The following PI4KB variants were observed in gnomAD, a reference collection of about 807,000 sequenced individuals.
PI4KB encodes phosphatidylinositol 4-kinase beta.
Under a neutral mutation model 81.4 loss-of-function variants are expected in PI4KB, and 23 were observed. That is an observed-to-expected ratio of 0.28 (90% CI 0.20 to 0.40). PI4KB has a LOEUF of 0.40. Among genes scored for constraint, PI4KB ranks in the 10% least tolerant of loss-of-function variants. The pLI is 1.00. For missense variants in PI4KB, 651 were observed against 1,036.6 expected (o/e 0.63, Z 5.11); for synonymous variants, 381 against 406.8 (o/e 0.94, Z 0.76).
At chr1:151,305,901 G>A (rs1235622127) in intron 5 of PI4KB, among the ~76,000 whole-genome samples, 2 of 152,164 alleles carry the variant, frequency 1.3e-5, no homozygotes, top group East Asian at 1.9e-4. Flanking sequence ...CCTTGGCCTA[G>A]AAGCTCCTCT....
Position 151,307,610 on chromosome 1 carries a change from G to T in PI4KB, c.1146C>A (p.Pro382=). Reference sequence around the variant, plus strand: ...AGTTGAGGACAACAGCCTGTGTGTGGGGTACACGGACCACGTGGTGGTCAA... The same window carrying T: ...AGTTGAGGACAACAGCCTGTGTGTGTGGTACACGGACCACGTGGTGGTCAA... ...AGFDHHVVRV[P]HTQAVVLNSK... Residue 382 remains proline (P), a synonymous_variant, in exon 4 of 12, where the codon CCC becomes CCA. Transcript: ENST00000368873. 1.2e-6 allele frequency: 2 copies of T among 1,614,034 alleles called. No homozygotes were observed. Among genetic ancestry groups the T allele is most frequent in the Non-Finnish European group, 1.7e-6 (2 of 1,179,914 alleles).
chr1:151,294,210 A>G (rs1694598373), intron 10 of PI4KB, 72 bp from the exon 11 acceptor site: 1 of 1,551,272 alleles, frequency 6.4e-7, no homozygotes, highest in East Asian at 2.3e-5. Context: ...TGACTGGCCT[A>G]CCAGAACTCC....
At chr1:151,313,578 A>G (rs1045786213) in intron 2 of PI4KB, among the ~76,000 whole-genome samples, 4 of 152,202 alleles carry the variant, frequency 2.6e-5, no homozygotes, top group African/African-American at 7.2e-5. Flanking sequence ...TACAGGTTTG[A>G]CTCCAAGATG....
chr1:151,292,706 C>T lies in PI4KB; in HGVS notation c.*146G>A. The T allele has an allele frequency of 4.0e-6, 3 of 746,246 alleles. No homozygotes were observed. The South Asian group carries it at 5.6e-5, about 14-fold the overall frequency. The allele number at this position is 746,246 out of a possible 1,614,324, so 46.2% of individuals were successfully genotyped here. ...ACCCCTCAGCAAGCTCTCGCAGTTA[C>T]CACATGATCCTTCGTGTTTCTTGCC... On this transcript the variant is annotated 3_prime_UTR_variant, in exon 12 of 12. Transcript: ENST00000368873.
intron 3 of PI4KB, among the ~76,000 whole-genome samples, chr1:151,309,250 C>A (rs1308668238): frequency 1.3e-5 from 2 of 152,154 alleles, no homozygotes; most frequent in Admixed American, 1.3e-4. Context: ...GTCCCAAGGA[C>A]CCTCTACCCC....
In PI4KB at chr1:151,315,826, T is replaced by A. The variant is rs762855154; in HGVS notation, c.656A>T (p.Tyr219Phe). The A allele has an allele frequency of 3.0e-5, 49 of 1,613,326 alleles. No homozygotes were observed. The highest frequency in any genetic ancestry group is 4.2e-5 in the Non-Finnish European group (49 of 1,179,700). The change falls in exon 2 of 12, where the codon TAT becomes TTT. Residue 219 changes from tyrosine to phenylalanine, a missense_variant. Physicochemically the swap from Tyr to Phe is conservative, Grantham distance 22. Transcript: ENST00000368873. ...AGTGGAAATGTGCATGTCTGAAGAATAGGCCCCAAGCAACAGGGCACACTG... is the reference window on the plus strand; with the variant it reads ...AGTGGAAATGTGCATGTCTGAAGAAAAGGCCCCAAGCAACAGGGCACACTG... ...SLQCALLLGA[Y>F]SSDMHISTQR...
At chr1:151,316,545 G>A (rs1040936941) in intron 1 of PI4KB, 36 bp from the exon 2 acceptor site, 12 of 1,454,038 alleles carry the variant, frequency 8.3e-6, no homozygotes, top group Admixed American at 2.4e-5. Flanking sequence ...AACAGAAAGG[G>A]AGACACATAC....
rs746587376 is a variant in PI4KB, at chr1:151,299,029, G to A, written c.1794C>T (p.Tyr598=). 3 of 1,614,054 alleles carry A rather than the reference G, an allele frequency of 1.9e-6. No individual in the cohort carries two copies. Among genetic ancestry groups the A allele is most frequent in the African/African-American group, 1.3e-5 (1 of 75,048 alleles). Residue 598 remains tyrosine (Y), a synonymous_variant, in exon 9 of 12, where the codon TAC becomes TAT. Transcript: ENST00000368873. ...TATCAGCCGAAATCACAAGAATCTTGTATGGCTTGATCCAAAGGGGCACTC... is the reference window on the plus strand; with the variant it reads ...TATCAGCCGAAATCACAAGAATCTTATATGGCTTGATCCAAAGGGGCACTC... The part of the protein sequence containing the change: ...QERVPLWIKP[Y]KILVISADSG...
chr1:151,307,813 T>G lies in PI4KB; in HGVS notation c.955-12A>C. On this transcript the variant is annotated splice_polypyrimidine_tract_variant and intron_variant, in intron 3 of 11. Transcript: ENST00000368873. ...GCCAGTCGAACAGGCTACAGGGGTTTGGGGTAAGACAAAAGATGGTGAAGA... is the reference window on the plus strand; with the variant it reads ...GCCAGTCGAACAGGCTACAGGGGTTGGGGGTAAGACAAAAGATGGTGAAGA... 1 of 1,594,714 alleles carries G rather than the reference T, an allele frequency of 6.3e-7. No individual in the cohort carries two copies. The highest frequency in any genetic ancestry group is 8.6e-7 in the Non-Finnish European group (1 of 1,162,344).
intron 5 of PI4KB, among the ~76,000 whole-genome samples, chr1:151,304,995 A>C (rs1439513455): frequency 6.6e-6 from 1 of 151,782 alleles, no homozygotes; most frequent in Non-Finnish European, 1.5e-5. Flanking sequence ...ACGCCCGGCT[A>C]ATTTTTGTAT....
chr1:151,308,778 C>G (rs1695988800), intron 3 of PI4KB, among the ~76,000 whole-genome samples: 1 of 152,190 alleles, frequency 6.6e-6, no homozygotes, highest in Non-Finnish European at 1.5e-5. Flanking sequence ...ATCAAGACAG[C>G]CACCCAACTC....
intron 6 of PI4KB, 75 bp from the exon 7 acceptor site, chr1:151,302,373 C>T: frequency 1.0e-6 from 1 of 984,130 alleles, no homozygotes; most frequent in Non-Finnish European, 1.6e-6. Context: ...ACTGACATTT[C>T]CTGCACTGTC....
intron 8 of PI4KB, 83 bp from the exon 9 acceptor site, chr1:151,299,156 C>G: frequency 8.0e-7 from 1 of 1,252,390 alleles, no homozygotes. Flanking sequence ...TTTCTCCAGC[C>G]TCTCTCCTTG....
intron 2 of PI4KB, among the ~76,000 whole-genome samples, chr1:151,313,398 G>A (rs767199941): frequency 1.3e-5 from 2 of 152,118 alleles, no homozygotes; most frequent in Non-Finnish European, 2.9e-5. Flanking sequence ...ATCTTATCCT[G>A]GAGTGGGAGT....
At chr1:151,327,199 G>A (rs1454826103) in intron 1 of PI4KB, 72 bp downstream of exon 1, 2 of 297,342 alleles carry the variant, frequency 6.7e-6, no homozygotes, top group Non-Finnish European at 1.2e-5. Context: ...GACTGTGCGG[G>A]ACAGGGTGGG....
At chr1:151,306,918 T>C (rs1695814991) in intron 4 of PI4KB, among the ~76,000 whole-genome samples, 3 of 152,124 alleles carry the variant, frequency 2.0e-5, no homozygotes, top group African/African-American at 7.2e-5. Flanking sequence ...CTACTAAAAC[T>C]ACAAAAATTA....
rs1266569340 is a variant in PI4KB at position 151,292,461 on chromosome 1, C to T, written c.*391G>A. Reference sequence around the variant, plus strand: ...TCCTAAGTACCGAGAACCTACTCTTCCCCACTTCCTGGGCCCCAGAACGGA... The same window carrying T: ...TCCTAAGTACCGAGAACCTACTCTTTCCCACTTCCTGGGCCCCAGAACGGA... On this transcript the variant is annotated 3_prime_UTR_variant, in exon 12 of 12. Coordinates refer to ENST00000368873, the MANE Select transcript of PI4KB (RefSeq NM_001369623.2). The T allele has an allele frequency of 5.9e-6, 1 of 169,916 alleles. No individual in the cohort carries two copies. Among genetic ancestry groups the T allele is most frequent in the East Asian group, 1.8e-4 (1 of 5,702 alleles). 10.5% of individuals were successfully genotyped at this position (169,916 alleles called of 1,614,324 possible).
At chr1:151,321,857 A>G (rs1012021242) in intron 1 of PI4KB, among the ~76,000 whole-genome samples, 35 of 139,206 alleles carry the variant, frequency 2.5e-4, no homozygotes, top group African/African-American at 9.3e-4. Flanking sequence ...TGGGCGACAG[A>G]GTGAGACTCT....
intron 8 of PI4KB, 83 bp downstream of exon 8, chr1:151,301,761 C>G: frequency 7.4e-7 from 1 of 1,348,434 alleles, no homozygotes; most frequent in Non-Finnish European, 1.0e-6. Flanking sequence ...CTTGAACTCC[C>G]GACTTTGTAA....
Sources: gnomAD v4.1 joint callset for allele counts (sites outside exome capture counted in the v4.1 genomes callset) on GRCh38, gnomAD v4.1.1 for gene constraint, MANE v1.5 for transcripts, NCBI Gene and HGNC (gene_info 2026-07-23, HGNC 2026-07-21) for gene names.